The following OTULIN variants were observed in gnomAD, a reference collection of about 807,000 sequenced individuals.
OTULIN encodes ubiquitin thioesterase otulin.
In OTULIN, 15 loss-of-function variants were observed where a neutral mutation model predicts 39.6. That is an observed-to-expected ratio of 0.38 (90% CI 0.25 to 0.58). The LOEUF is 0.58. Ranked by LOEUF, OTULIN falls within the 20% of genes least tolerant of loss-of-function variation. The pLI is 0.66. For missense variants in OTULIN, 319 were observed against 445.9 expected (o/e 0.72, Z 2.56); for synonymous variants, 156 against 170.3 (o/e 0.92, Z 0.65).
intron 5 of OTULIN, among the ~76,000 whole-genome samples, chr5:14,688,163 A>G (rs576776075): frequency 2.0e-5 from 3 of 152,184 alleles, no homozygotes; most frequent in Admixed American, 6.5e-5. Context: ...TCTGATTCCT[A>G]TTGATTTGGT....
chr5:14,683,420 A>G (rs1218176855), intron 4 of OTULIN, among the ~76,000 whole-genome samples: 1 of 152,258 alleles, frequency 6.6e-6, no homozygotes, highest in Non-Finnish European at 1.5e-5. Context: ...GATGCCATTT[A>G]TTAGTAAAGT....
chr5:14,711,553 T>A, the OTULIN span, among the ~76,000 whole-genome samples: 1 of 152,188 alleles, frequency 6.6e-6, no homozygotes, highest in Non-Finnish European at 1.5e-5. Context: ...GGACACCATG[T>A]CCCACTGCCC....
chr5:14,678,513 G>A (rs1736162851), intron 2 of OTULIN, among the ~76,000 whole-genome samples, 168 bp from the exon 3 acceptor site: 1 of 152,208 alleles, frequency 6.6e-6, no homozygotes, highest in Non-Finnish European at 1.5e-5. Flanking sequence ...TGGTTATCTA[G>A]GGGTGAGGTG....
At chr5:14,692,040 C>T (rs1736540963) in intron 6 of OTULIN, among the ~76,000 whole-genome samples, 1 of 152,102 alleles carries the variant, frequency 6.6e-6, no homozygotes, top group Non-Finnish European at 1.5e-5. Flanking sequence ...CTGTGAATAA[C>T]CCTGCTATGA....
intron 5 of OTULIN, among the ~76,000 whole-genome samples, chr5:14,688,828 A>G (rs1736452054): frequency 1.3e-5 from 2 of 152,156 alleles, no homozygotes; most frequent in South Asian, 4.1e-4. Flanking sequence ...CAGCGCAACC[A>G]CAGGTCACAA....
At chr5:14,676,116 G>T (rs1736097541) in intron 2 of OTULIN, among the ~76,000 whole-genome samples, 7 of 152,140 alleles carry the variant, frequency 4.6e-5, no homozygotes, top group Admixed American at 4.6e-4. Context: ...TTCCGGAGGG[G>T]TTTCAGTTTT....
intron 4 of OTULIN, 70 bp downstream of exon 4, chr5:14,681,677 G>T: frequency 6.7e-7 from 1 of 1,500,964 alleles, no homozygotes. Context: ...TTCCCTTTCT[G>T]TCCATGCTAC....
At chr5:14,706,116 G>A in the OTULIN span, 1 of 152,156 alleles carries the variant, frequency 6.6e-6, no homozygotes, top group African/African-American at 2.4e-5. Context: ...CCTAGTTCTT[G>A]TGTGCTTTTG....
intron 1 of OTULIN, among the ~76,000 whole-genome samples, chr5:14,670,927 A>T (rs1735964492): frequency 6.6e-6 from 1 of 152,146 alleles, no homozygotes; most frequent in Admixed American, 6.5e-5. Flanking sequence ...AAGTAAGCAG[A>T]TGTTTGTGCA....
chr5:14,680,808 C>A (rs965770668), intron 3 of OTULIN, among the ~76,000 whole-genome samples: 3 of 152,214 alleles, frequency 2.0e-5, no homozygotes, highest in Non-Finnish European at 4.4e-5. Flanking sequence ...CCTGTAATCC[C>A]TGCACTTTGG....
At position 14,664,756 on chromosome 5, in the gene OTULIN, C is replaced by T. The variant is rs1440504123; in HGVS notation, c.-70C>T. On this transcript the variant is annotated 5_prime_UTR_variant, in exon 1 of 7. Transcript: ENST00000284274. The stretch of plus-strand genomic sequence containing the variant: ...GCGGCTGAGAGGCTGCGGCCACTGC[C>T]TGGCACCCCGACGGGAGGGGCTCCG... 2.7e-6 allele frequency: 3 copies of T among 1,098,310 alleles called. No homozygotes were observed. Among genetic ancestry groups the T allele is most frequent in the African/African-American group, 1.7e-5 (1 of 60,028 alleles). The allele number at this position is 1,098,310 out of a possible 1,614,324, so 68.0% of individuals were successfully genotyped here.
At chr5:14,681,246 A>T (rs371559132) in intron 3 of OTULIN, among the ~76,000 whole-genome samples, 1,546 of 143,396 alleles carry the variant, frequency 0.011, 26 homozygotes, top group African/African-American at 0.037. Flanking sequence ...TTTTTTTTTT[A>T]AAAGAGTTTA....
At chr5:14,714,753 A>G in the OTULIN span, among the ~76,000 whole-genome samples, 2 of 152,136 alleles carry the variant, frequency 1.3e-5, no homozygotes, top group Non-Finnish European at 2.9e-5. Flanking sequence ...CAGATTGCAA[A>G]GAGTGGCAGG....
chr5:14,677,746 C>T (rs1364336142), intron 2 of OTULIN, among the ~76,000 whole-genome samples: 2 of 150,256 alleles, frequency 1.3e-5, no homozygotes, highest in African/African-American at 2.5e-5. Context: ...GGTTTATTAT[C>T]GACCACTTTT....
chr5:14,712,934 C>T, the OTULIN span: 25 of 1,613,622 alleles, frequency 1.5e-5, no homozygotes, highest in Admixed American at 5.0e-5. Flanking sequence ...CCACAAAGCC[C>T]GCCAGGAGGG....
chr5:14,714,007 T>C, the OTULIN span, among the ~76,000 whole-genome samples: 1 of 152,200 alleles, frequency 6.6e-6, no homozygotes, highest in East Asian at 1.9e-4. Context: ...ATCATCTACC[T>C]CTAGAAGAGA....
chr5:14,711,230 T>TG, the OTULIN span: 1 of 1,614,156 alleles, frequency 6.2e-7, no homozygotes, highest in Non-Finnish European at 8.5e-7. Flanking sequence ...CCACGATGTC[T>TG]GTCACCTCCT....
intron 2 of OTULIN, among the ~76,000 whole-genome samples, chr5:14,676,509 C>T (rs552893486): frequency 1.5e-4 from 23 of 152,342 alleles, no homozygotes; most frequent in Non-Finnish European, 2.1e-4. Context: ...ACCCTCACTA[C>T]GCTACGTAGG....
chr5:14,675,016 A>G (rs1463797497), intron 2 of OTULIN, among the ~76,000 whole-genome samples: 1 of 152,208 alleles, frequency 6.6e-6, no homozygotes, highest in East Asian at 1.9e-4. Context: ...GTGGATGCCT[A>G]ATGATTTCTC....
Sources: gnomAD v4.1 joint callset for allele counts (sites outside exome capture counted in the v4.1 genomes callset) on GRCh38, gnomAD v4.1.1 for gene constraint, MANE v1.5 for transcripts, NCBI Gene and HGNC (gene_info 2026-07-23, HGNC 2026-07-21) for gene names.